Variants in TMEM161B observed in about 807,000 individuals in gnomAD.
TMEM161B encodes the protein transmembrane protein 161B.
TMEM161B carries 34 observed loss-of-function variants against 61.8 expected under a neutral mutation model. The observed-to-expected ratio is 0.55, with a 90% CI of 0.42 to 0.73. TMEM161B has a LOEUF of 0.73. TMEM161B is among the 30% of genes least tolerant of loss of function. The pLI is 0.00. For synonymous variants in TMEM161B, 167 were observed against 192.8 expected, an observed-to-expected ratio of 0.87 and a Z score of 1.11; for missense variants, 456 against 558.5, an observed-to-expected ratio of 0.82 and a Z score of 1.85.
At chr5:88,235,562 G>C (rs1370033913) in intron 2 of TMEM161B, among the ~76,000 whole-genome samples, 1 of 152,076 alleles carries the variant, frequency 6.6e-6, no homozygotes, top group East Asian at 1.9e-4. Flanking sequence ...TTTCCACCAG[G>C]TGGTGATACA....
chr5:88,244,584 C>CTTTT (rs369319062), intron 1 of TMEM161B, among the ~76,000 whole-genome samples: 2 of 116,018 alleles, frequency 1.7e-5, no homozygotes, highest in African/African-American at 3.2e-5. Flanking sequence ...TCCAGCTTTG[C>CTTTT]TTTTTTTTTT....
rs766230140 is a variant in TMEM161B, at chr5:88,205,832, G to A, written c.782C>T (p.Ala261Val). 6.2e-7 allele frequency: 1 copy of A among 1,611,890 alleles called. No homozygotes were observed. The highest frequency in any genetic ancestry group is 8.5e-7 in the Non-Finnish European group (1 of 1,179,098). ...AQMHLDALNL[A>V]TEKITQTLLH... ...CGCTTACTGTGTAATTTTTTCTGTT[G>A]CCAAATTCAGGGCATCCAGATGCAT... The change falls in exon 8 of 12, where the codon GCA becomes GTA. Residue 261 changes from alanine (A) to valine (V), a missense_variant. Ala to Val is a moderately conservative substitution (Grantham distance 64). Coordinates refer to ENST00000296595, the MANE Select transcript of TMEM161B (RefSeq NM_153354.5).
intron 3 of TMEM161B, among the ~76,000 whole-genome samples, chr5:88,227,714 A>G (rs1172895353): frequency 7.9e-5 from 12 of 152,172 alleles, no homozygotes. Context: ...TATGGTTATA[A>G]TTTGTTGTCA....
chr5:88,225,030 C>A (rs377126360), intron 4 of TMEM161B, among the ~76,000 whole-genome samples: 1 of 130,332 alleles, frequency 7.7e-6, no homozygotes, highest in African/African-American at 3.0e-5. Flanking sequence ...TGCGGTGGTG[C>A]GATCTCGGCT....
intron 1 of TMEM161B, among the ~76,000 whole-genome samples, chr5:88,266,610 G>C (rs1259082118): frequency 6.6e-6 from 1 of 152,026 alleles, no homozygotes; most frequent in Non-Finnish European, 1.5e-5. Flanking sequence ...ACTAACAATG[G>C]GCAGAATCTG....
intron 8 of TMEM161B, among the ~76,000 whole-genome samples, chr5:88,204,591 C>T (rs1745080449): frequency 6.6e-6 from 1 of 151,990 alleles, no homozygotes; most frequent in African/African-American, 2.4e-5. Flanking sequence ...TCCCCTCCAC[C>T]CACCCTTTTC....
rs1280361020 is a variant in TMEM161B, at chr5:88,228,461, T to C, written c.175A>G (p.Lys59Glu). ...RILAGKQQKG[K>E]TKKDRKYNGH... is the part of the protein sequence containing the mutation. ...AAAACTTACCTATCTTTTTTGGTTT[T>C]CCCTTTTTGTTGTTTCCCTGCAAGA... The change falls in exon 3 of 12, where the codon AAA (lysine) becomes GAA (glutamate). Residue 59 changes from lysine to glutamate, a missense_variant. By Grantham distance (56) the Lys-to-Glu change is moderately conservative (BLOSUM62 1). This residue lies in a region of TMEM161B where 85 missense variants were observed against 111.2 expected (regional missense o/e 0.76). Transcript: ENST00000296595. 26 of 1,608,476 alleles carry C rather than the reference T, an allele frequency of 1.6e-5. No homozygotes were observed. The highest frequency in any genetic ancestry group is 2.1e-5 in the Non-Finnish European group (25 of 1,178,108).
intron 2 of TMEM161B, among the ~76,000 whole-genome samples, chr5:88,237,611 G>A (rs1752072255): frequency 6.6e-6 from 1 of 151,736 alleles, no homozygotes; most frequent in Admixed American, 6.6e-5. Context: ...CACCTCCCTA[G>A]CTCAATGAAC....
chr5:88,255,223 G>T (rs1754813584), intron 1 of TMEM161B, among the ~76,000 whole-genome samples: 1 of 152,116 alleles, frequency 6.6e-6, no homozygotes, highest in Non-Finnish European at 1.5e-5. Context: ...ATCCAGAAGA[G>T]AAATTCTCCC....
At chr5:88,206,056 A>C (rs1027821137) in intron 7 of TMEM161B, 102 bp from the exon 8 acceptor site, 1 of 958,844 alleles carries the variant, frequency 1.0e-6, no homozygotes, top group African/African-American at 1.7e-5. Context: ...AATAACAGTA[A>C]AACAAAGCAA....
intron 1 of TMEM161B, among the ~76,000 whole-genome samples, chr5:88,248,353 C>A (rs1282611993): frequency 2.0e-5 from 3 of 152,028 alleles, no homozygotes; most frequent in Non-Finnish European, 4.4e-5. Context: ...ATGCAAAAAC[C>A]TGAATATCCC....
chr5:88,205,838 T>C lies in TMEM161B; in HGVS notation c.776A>G (p.Asn259Ser), dbSNP rs1422150498. Residue 259 changes from asparagine (N) to serine (S), a missense_variant, in exon 8 of 12, where the codon AAT (asparagine) becomes AGT (serine). By Grantham distance (46) the Asn-to-Ser change is conservative. Coordinates refer to ENST00000296595, the MANE Select transcript of TMEM161B (RefSeq NM_153354.5). ...CTGTGTAATTTTTTCTGTTGCCAAATTCAGGGCATCCAGATGCATTTGAGC... is the reference window on the plus strand; with the variant it reads ...CTGTGTAATTTTTTCTGTTGCCAAACTCAGGGCATCCAGATGCATTTGAGC... ...RLAQMHLDAL[N>S]LATEKITQTL... is the part of the protein sequence containing the mutation. The C allele has an allele frequency of 3.1e-6, 5 of 1,612,616 alleles. No homozygotes were observed. Among genetic ancestry groups the C allele is most frequent in the Non-Finnish European group, 4.2e-6 (5 of 1,179,308 alleles).
At chr5:88,209,537 G>A (rs1746261704) in intron 5 of TMEM161B, among the ~76,000 whole-genome samples, 1 of 152,058 alleles carries the variant, frequency 6.6e-6, no homozygotes, top group Non-Finnish European at 1.5e-5. Flanking sequence ...AAAATTACAT[G>A]CAATCTGATC....
At chr5:88,225,201 T>C (rs1749830811) in intron 4 of TMEM161B, among the ~76,000 whole-genome samples, 1 of 152,114 alleles carries the variant, frequency 6.6e-6, no homozygotes, top group Non-Finnish European at 1.5e-5. Context: ...TCTCCTGACC[T>C]CATGATCCGC....
intron 1 of TMEM161B, among the ~76,000 whole-genome samples, chr5:88,259,680 T>A (rs923250213): frequency 6.6e-6 from 1 of 152,202 alleles, no homozygotes; most frequent in South Asian, 2.1e-4. Flanking sequence ...GTGGCAGATG[T>A]GTTTGACACC....
intron 5 of TMEM161B, among the ~76,000 whole-genome samples, chr5:88,216,900 T>C (rs1747958533): frequency 6.6e-6 from 1 of 152,152 alleles, no homozygotes; most frequent in South Asian, 2.1e-4. Flanking sequence ...TTTTGGAAGA[T>C]GTTAAGTGGA....
At chr5:88,202,147 T>C (rs1323778419) in intron 9 of TMEM161B, 8 of 454,350 alleles carry the variant, frequency 1.8e-5, no homozygotes, top group Admixed American at 1.2e-4. Flanking sequence ...AGAGGCTCAG[T>C]GAAGTTAAAT....
rs183096835 is a variant in TMEM161B at position 88,254,963 on chromosome 5, C to A, written c.3+13758G>T. Among the ~76,000 whole-genome samples the A allele has an allele frequency of 2.5e-3, 374 of 150,868 alleles. 1 individual carries two copies. Among genetic ancestry groups the A allele is most frequent in the Non-Finnish European group, 4.4e-3 (297 of 67,730 alleles). ...TAATCAAAAGAACCAAAGAAAGCACCAAAATGGACAAGGTTTGAAAGAAAA... is the reference window on the plus strand; with the variant it reads ...TAATCAAAAGAACCAAAGAAAGCACAAAAATGGACAAGGTTTGAAAGAAAA... On this transcript the variant is annotated intron_variant, in intron 1 of 11. Transcript: ENST00000296595.
chr5:88,267,134 T>C (rs1264068884), intron 1 of TMEM161B, among the ~76,000 whole-genome samples: 1 of 152,194 alleles, frequency 6.6e-6, no homozygotes, highest in Non-Finnish European at 1.5e-5. Flanking sequence ...AATGAAAATA[T>C]GAGTTTTAGT....
Sources: gnomAD v4.1 joint callset for allele counts (sites outside exome capture counted in the v4.1 genomes callset) on GRCh38, gnomAD v4.1.1 for gene constraint, gnomAD v4.1.1 regional missense constraint, MANE v1.5 for transcripts, NCBI Gene and HGNC (gene_info 2026-07-23, HGNC 2026-07-21) for gene names.